The following RAP1GAP2 variants were observed in gnomAD, a reference collection of about 807,000 sequenced individuals.
RAP1GAP2 encodes rap1 GTPase-activating protein 2.
RAP1GAP2 carries 27 observed loss-of-function variants against 95.0 expected under a neutral mutation model. The ratio of observed to expected loss-of-function variants is 0.28; its 90% CI spans 0.21 to 0.39. The LOEUF (loss-of-function observed/expected upper bound fraction) is 0.39, where lower values mean the gene tolerates loss of function less well. Among genes scored for constraint, RAP1GAP2 ranks in the 10% least tolerant of loss-of-function variants. The probability of loss-of-function intolerance (pLI) is 1.00; values close to 1 mark genes in which losing one functional copy is unlikely to be tolerated. For synonymous variants in RAP1GAP2, 373 were observed against 380.9 expected, an observed-to-expected ratio of 0.98 and a Z score of 0.24; for missense variants, 771 against 970.0, an observed-to-expected ratio of 0.79 and a Z score of 2.72.
Position 2,825,395 on chromosome 17 carries a change from G to C in RAP1GAP2, c.80+24845G>C, listed in dbSNP as rs184342874. On this transcript the variant is annotated intron_variant, in intron 2 of 24. Transcript: ENST00000254695. This position sits in a 1 kb window ranked among gnomAD's most constrained non-coding sequence, Gnocchi z 4.1. ...ATTGGAATACAGGAAGCAAGAACAT[G>C]AGTGTTCACGCTTTGACTGAGCTGT... 1.3e-5 allele frequency among the ~76,000 whole-genome samples: 2 copies of C among 152,292 alleles called. No individual in the cohort carries two copies. The highest frequency in any genetic ancestry group is 1.3e-4 in the Admixed American group (2 of 15,286).
At chr17:2,841,303 A>ATTTTT (rs35885315) in intron 2 of RAP1GAP2, among the ~76,000 whole-genome samples, 2 of 127,002 alleles carry the variant, frequency 1.6e-5, no homozygotes, top group Non-Finnish European at 3.2e-5. Context: ...GATATGGGGA[A>ATTTTT]TTTTTTTTTT....
chr17:2,946,849 G>A (rs1232865231), intron 3 of RAP1GAP2, among the ~76,000 whole-genome samples: 1 of 152,150 alleles, frequency 6.6e-6, no homozygotes, highest in African/African-American at 2.4e-5. Flanking sequence ...CCACCCCCCG[G>A]GTTCAAGTGA....
At chr17:2,946,750 C>T (rs2043709682) in intron 3 of RAP1GAP2, among the ~76,000 whole-genome samples, 2 of 152,192 alleles carry the variant, frequency 1.3e-5, no homozygotes, top group East Asian at 1.9e-4. Context: ...AGGGGTGGGG[C>T]CTAGGAAACT....
intron 3 of RAP1GAP2, among the ~76,000 whole-genome samples, chr17:2,905,776 CT>C (rs1433109308): frequency 5.3e-5 from 8 of 152,182 alleles, no homozygotes; most frequent in African/African-American, 1.9e-4. Context: ...CCCTTCTGAG[CT>C]GGGCCTGTTC....
rs980403804 is a variant in RAP1GAP2 at position 2,902,348 on chromosome 17, C to T, written c.81-2936C>T. ...TCTCTTGCCTCAGCCTCCCAAGTAGCTCGGATGACAGGCACACGCCACCAT... is the reference window on the plus strand; with the variant it reads ...TCTCTTGCCTCAGCCTCCCAAGTAGTTCGGATGACAGGCACACGCCACCAT... On this transcript the variant is annotated intron_variant, in intron 2 of 24. Coordinates refer to ENST00000254695, the MANE Select transcript of RAP1GAP2 (RefSeq NM_015085.5). This position sits in a 1 kb window ranked among gnomAD's most constrained non-coding sequence, Gnocchi z 4.1. Among the ~76,000 whole-genome samples the T allele has an allele frequency of 6.6e-6, 1 of 152,110 alleles. No homozygotes were observed. The highest frequency in any genetic ancestry group is 2.4e-5 in the African/African-American group (1 of 41,424).
chr17:2,927,005 C>CA (rs1242428206), intron 3 of RAP1GAP2, among the ~76,000 whole-genome samples: 6,888 of 53,840 alleles, frequency 0.13, 494 homozygotes, highest in African/African-American at 0.14. Context: ...GACTCCATCT[C>CA]AAAAAAAAAA....
chr17:2,929,195 T>C (rs1277120874), intron 3 of RAP1GAP2, among the ~76,000 whole-genome samples: 1 of 152,160 alleles, frequency 6.6e-6, no homozygotes, highest in East Asian at 1.9e-4. Context: ...ATCGCGCCAC[T>C]GTACTCCAGC....
chr17:2,964,077 G>C lies in RAP1GAP2; in HGVS notation c.492+9G>C, dbSNP rs1434622001. ...GGCACTTCCTGGGGAAGGTGAGGCTGGGGGAGAGGAGCTGCTGGGGGTTGG... is the reference window on the plus strand; with the variant it reads ...GGCACTTCCTGGGGAAGGTGAGGCTCGGGGAGAGGAGCTGCTGGGGGTTGG... On this transcript the variant is annotated intron_variant, in intron 7 of 24. Coordinates refer to ENST00000254695, the MANE Select transcript of RAP1GAP2 (RefSeq NM_015085.5). 6.2e-7 allele frequency: 1 copy of C among 1,605,066 alleles called. No homozygotes were observed. Among genetic ancestry groups the C allele is most frequent in the Non-Finnish European group, 8.5e-7 (1 of 1,175,654 alleles).
rs770280991 is a variant in RAP1GAP2, at chr17:3,030,949, C to T, written c.2135C>T (p.Ser712Leu). Residue 712 changes from serine (S) to leucine (L), a missense_variant, in exon 23 of 25, where the codon TCG (serine) becomes TTG (leucine). By Grantham distance (145) the Ser-to-Leu change is moderately radical. Transcript: ENST00000254695. ...GCCAAAAGCAGAAACTCCCCGAGAT[C>T]GAACCTGAAATTCCGCTTTGACAAG... is the stretch of plus-strand genomic sequence containing the variant. ...TDAKSRNSPR[S>L]NLKFRFDKLS... 6.2e-6 allele frequency: 10 copies of T among 1,611,064 alleles called. No individual in the cohort carries two copies. The highest frequency in any genetic ancestry group is 3.3e-5 in the South Asian group (3 of 90,542).
intron 3 of RAP1GAP2, among the ~76,000 whole-genome samples, chr17:2,927,120 C>T (rs529389764): frequency 1.3e-5 from 2 of 151,952 alleles, no homozygotes; most frequent in South Asian, 2.1e-4. Flanking sequence ...GTATTCTGGC[C>T]CCATACCTCT....
rs547357553 is a variant in RAP1GAP2 at position 2,863,228 on chromosome 17, C to T, written c.81-42056C>T. 2.2e-4 allele frequency among the ~76,000 whole-genome samples: 33 copies of T among 152,210 alleles called. 2 individuals are homozygous for T. In the South Asian group the frequency reaches 6.7e-3, roughly 31 times the overall value. On this transcript the variant is annotated intron_variant, in intron 2 of 24. Transcript: ENST00000254695. ...GGGTGAGTACACTTGATCAACCTTC[C>T]CTTCTCCTTCCAGGCAGACTAGTGG...
chr17:2,961,374 G>A (rs1237380146), intron 4 of RAP1GAP2, among the ~76,000 whole-genome samples: 1 of 152,118 alleles, frequency 6.6e-6, no homozygotes, highest in Admixed American at 6.5e-5. Flanking sequence ...CATTAGCTGG[G>A]CGTGGTGGTA....
chr17:2,862,826 C>T (rs1460829528), intron 2 of RAP1GAP2, among the ~76,000 whole-genome samples: 3 of 151,846 alleles, frequency 2.0e-5, no homozygotes, highest in African/African-American at 4.8e-5. Flanking sequence ...GGCGAAACCC[C>T]GTCTCTACTA....
At chr17:2,929,410 G>A (rs911340998) in intron 3 of RAP1GAP2, among the ~76,000 whole-genome samples, 2 of 152,072 alleles carry the variant, frequency 1.3e-5, no homozygotes, top group Non-Finnish European at 2.9e-5. Flanking sequence ...TGTGATGGGC[G>A]GCATTTATTA....
chr17:2,791,319 C>A (rs920140941), intron 1 of RAP1GAP2, among the ~76,000 whole-genome samples: 7 of 152,290 alleles, frequency 4.6e-5, no homozygotes, highest in African/African-American at 1.7e-4. Context: ...ACACCTACAG[C>A]CCTTGTGAAC....
intron 17 of RAP1GAP2, among the ~76,000 whole-genome samples, chr17:3,015,237 A>G (rs1223104642): frequency 6.6e-6 from 1 of 152,056 alleles, no homozygotes; most frequent in Non-Finnish European, 1.5e-5. Context: ...CTCCAGGGGC[A>G]TCTTTGACTC....
At chr17:2,838,038 A>G (rs1305113809) in intron 2 of RAP1GAP2, among the ~76,000 whole-genome samples, 2 of 11,450 alleles carry the variant, frequency 1.7e-4, no homozygotes, top group Admixed American at 1.2e-3. Flanking sequence ...TTTTTTTTTG[A>G]GACAGAGTCT....
chr17:2,949,329 G>A (rs72819302), intron 3 of RAP1GAP2, among the ~76,000 whole-genome samples: 23,180 of 152,254 alleles, frequency 0.15, 1,952 homozygotes, highest in South Asian at 0.21. Context: ...GCTTCCTGGT[G>A]GATGGAGACC....
chr17:2,974,736 T>C (rs2045035093), intron 8 of RAP1GAP2, among the ~76,000 whole-genome samples: 2 of 151,652 alleles, frequency 1.3e-5, no homozygotes, highest in African/African-American at 4.8e-5. Context: ...GGAGAGAGAA[T>C]ACAATCTTAG....
Sources: gnomAD v4.1 joint callset for allele counts (sites outside exome capture counted in the v4.1 genomes callset) on GRCh38, gnomAD v4.1.1 for gene constraint, Gnocchi (gnomAD v3.1) non-coding constraint, MANE v1.5 for transcripts, NCBI Gene and HGNC (gene_info 2026-07-23, HGNC 2026-07-21) for gene names.